The following NAALADL2 variants were observed in gnomAD, a reference collection of about 807,000 sequenced individuals.
The protein encoded by NAALADL2 is inactive N-acetylated-alpha-linked acidic dipeptidase-like protein 2.
Under a neutral mutation model 87.2 loss-of-function variants are expected in NAALADL2, and 76 were observed. That is an observed-to-expected ratio of 0.87 (90% CI 0.72 to 1.05). NAALADL2 has a LOEUF of 1.05. Among genes scored for constraint, NAALADL2 ranks in the 50% least tolerant of loss-of-function variants. NAALADL2 has a pLI of 0.00. For synonymous variants in NAALADL2, 354 were observed against 331.0 expected (o/e 1.07, Z -0.75); for missense variants, 1,089 against 945.8 (o/e 1.15, Z -1.99).
intron 11 of NAALADL2, among the ~76,000 whole-genome samples, chr3:175,710,920 C>G (rs1740446457): frequency 6.6e-6 from 1 of 151,718 alleles, no homozygotes; most frequent in Non-Finnish European, 1.5e-5. Flanking sequence ...TTTTGTTGTT[C>G]AAGAATAAAT....
At chr3:175,050,616 A>G (rs1755256328) in intron 1 of NAALADL2, among the ~76,000 whole-genome samples, 1 of 152,172 alleles carries the variant, frequency 6.6e-6, no homozygotes, top group African/African-American at 2.4e-5. Flanking sequence ...TGGTTTCATT[A>G]TGCAGTTTTG....
chr3:174,957,054 T>C (rs1471194453), intron 1 of NAALADL2, among the ~76,000 whole-genome samples: 1 of 151,988 alleles, frequency 6.6e-6, no homozygotes, highest in Non-Finnish European at 1.5e-5. Context: ...TGTTCTGTTA[T>C]GGTACATACA....
At chr3:175,568,575 C>G (rs973761257) in intron 9 of NAALADL2, among the ~76,000 whole-genome samples, 1 of 152,154 alleles carries the variant, frequency 6.6e-6, no homozygotes, top group African/African-American at 2.4e-5. Flanking sequence ...AATCTCAATT[C>G]TATTAATTTG....
intron 13 of NAALADL2, among the ~76,000 whole-genome samples, chr3:175,786,833 C>G (rs6798384): frequency 6.6e-6 from 1 of 152,102 alleles, no homozygotes; most frequent in African/African-American, 2.4e-5. Flanking sequence ...TTTTCCCCAT[C>G]TTTGTGGTTT....
chr3:175,542,783 G>A (rs1204149390), intron 9 of NAALADL2, among the ~76,000 whole-genome samples: 1 of 152,080 alleles, frequency 6.6e-6, no homozygotes, highest in Non-Finnish European at 1.5e-5. Context: ...GTTGTTCCGG[G>A]GCCAACTGTA....
intron 1 of NAALADL2, among the ~76,000 whole-genome samples, chr3:175,002,169 C>A (rs1748330856): frequency 6.6e-6 from 1 of 151,980 alleles, no homozygotes; most frequent in Non-Finnish European, 1.5e-5. Context: ...TTTGCTTATT[C>A]CCTGCTCTAT....
intron 3 of NAALADL2, among the ~76,000 whole-genome samples, chr3:174,811,412 C>T (rs1016742348): frequency 6.6e-6 from 1 of 152,138 alleles, no homozygotes; most frequent in Non-Finnish European, 1.5e-5. Flanking sequence ...ACCAGTATGC[C>T]CTGGATGTGA....
intron 2 of NAALADL2, among the ~76,000 whole-genome samples, chr3:175,132,245 G>T (rs62287723): frequency 4.9e-5 from 2 of 41,058 alleles, no homozygotes; most frequent in Non-Finnish European, 4.1e-5. Flanking sequence ...CGGACGGGGC[G>T]GCTGGCCGGG....
chr3:175,360,503 C>T (rs964541924), intron 5 of NAALADL2, among the ~76,000 whole-genome samples: 1 of 151,930 alleles, frequency 6.6e-6, no homozygotes, highest in Non-Finnish European at 1.5e-5. Context: ...ATGTTGGTGT[C>T]TTCATTTTGG....
At chr3:175,157,784 A>G (rs2861997) in intron 2 of NAALADL2, among the ~76,000 whole-genome samples, 26,856 of 151,980 alleles carry the variant, frequency 0.18, 2,997 homozygotes, top group African/African-American at 0.31. Context: ...CTATCCTTTC[A>G]GACAGATGTA....
At chr3:174,638,046 A>G (rs1449289390) in intron 2 of NAALADL2, among the ~76,000 whole-genome samples, 4 of 152,180 alleles carry the variant, frequency 2.6e-5, no homozygotes, top group South Asian at 4.1e-4. Flanking sequence ...TTTTCAAATA[A>G]TATCATAGTA....
chr3:175,574,691 C>T (rs1289944901), intron 9 of NAALADL2, among the ~76,000 whole-genome samples: 3 of 152,090 alleles, frequency 2.0e-5, no homozygotes, highest in South Asian at 2.1e-4. Context: ...TAAATTTCAT[C>T]GTCCCTGTTA....
chr3:175,409,215 T>C (rs1370184136), intron 5 of NAALADL2, among the ~76,000 whole-genome samples: 1 of 151,842 alleles, frequency 6.6e-6, no homozygotes, highest in Non-Finnish European at 1.5e-5. Flanking sequence ...ATAAACTCTA[T>C]AGTTGTGGAG....
intron 11 of NAALADL2, among the ~76,000 whole-genome samples, chr3:175,733,315 A>C (rs1000767885): frequency 5.3e-5 from 8 of 152,170 alleles, no homozygotes; most frequent in Admixed American, 6.5e-5. Flanking sequence ...CCTCATAATC[A>C]TGTTGGAAGG....
chr3:175,134,463 G>A (rs2108667199), intron 2 of NAALADL2, among the ~76,000 whole-genome samples: 1 of 152,184 alleles, frequency 6.6e-6, no homozygotes, highest in South Asian at 2.1e-4. Context: ...CTGTTTTGTA[G>A]CTTAAAAATG....
At chr3:175,769,459 A>G (rs866084290) in intron 13 of NAALADL2, among the ~76,000 whole-genome samples, 42 of 152,348 alleles carry the variant, frequency 2.8e-4, no homozygotes, top group African/African-American at 5.3e-4. Flanking sequence ...CCTAGAGGCC[A>G]TAGAGAGGGG....
intron 2 of NAALADL2, among the ~76,000 whole-genome samples, chr3:174,603,684 G>A (rs1718682056): frequency 6.6e-6 from 1 of 151,496 alleles, no homozygotes; most frequent in Non-Finnish European, 1.5e-5. Context: ...TTTATTTGAA[G>A]TTTTTTTCTT....
chr3:174,609,343 G>A (rs141624502), intron 2 of NAALADL2, among the ~76,000 whole-genome samples: 51,756 of 151,740 alleles, frequency 0.34, 10,058 homozygotes, highest in Middle Eastern at 0.46. Context: ...GAAATAAAGC[G>A]TATCCAATTA....
chr3:174,610,615 G>C (rs530058645), intron 2 of NAALADL2, among the ~76,000 whole-genome samples: 2 of 152,180 alleles, frequency 1.3e-5, no homozygotes, highest in African/African-American at 4.8e-5. Context: ...ACCACAATGA[G>C]ATACCATCTC....
Sources: gnomAD v4.1 joint callset for allele counts (sites outside exome capture counted in the v4.1 genomes callset) on GRCh38, gnomAD v4.1.1 for gene constraint, MANE v1.5 for transcripts, NCBI Gene and HGNC (gene_info 2026-07-23, HGNC 2026-07-21) for gene names.